Variants in ABHD3 observed in about 807,000 individuals in gnomAD.
ABHD3 encodes the protein abhydrolase domain containing 3, phospholipase.
A neutral mutation model predicts 48.8 loss-of-function variants in ABHD3; 46 were observed. The ratio of observed to expected loss-of-function variants is 0.94; its 90% CI spans 0.74 to 1.20. The LOEUF (loss-of-function observed/expected upper bound fraction) is 1.20, where lower values mean the gene tolerates loss of function less well. Ranked by LOEUF, ABHD3 falls within the 50% of genes most tolerant of loss-of-function variation. The pLI, the probability that ABHD3 is intolerant of heterozygous loss-of-function variation, is 0.00. For synonymous variants in ABHD3, 192 were observed against 183.7 expected, an observed-to-expected ratio of 1.04 and a Z score of -0.36; for missense variants, 490 against 497.8, an observed-to-expected ratio of 0.98 and a Z score of 0.15.
At chr18:21,693,610 C>T (rs548241174) in intron 3 of ABHD3, among the ~76,000 whole-genome samples, 16 of 152,238 alleles carry the variant, frequency 1.1e-4, no homozygotes, top group Non-Finnish European at 5.9e-5. Context: ...ACAATTAGTG[C>T]CCTAGAGAAT....
Position 21,656,843 on chromosome 18 carries a change from C to T in ABHD3, c.1057+18G>A, listed in dbSNP as rs1460864548. The T allele has an allele frequency of 2.6e-6, 4 of 1,561,738 alleles. No individual in the cohort carries two copies. Among genetic ancestry groups the T allele is most frequent in the Admixed American group, 1.9e-5 (1 of 52,612 alleles). On this transcript the variant is annotated intron_variant, in intron 8 of 8. Transcript: ENST00000289119. ...AAGTTGATTCATGTCAAAATATATA[C>T]AAATATGTTAATTTTACCATGACTG...
chr18:21,658,274 G>C (rs892560221), intron 6 of ABHD3, among the ~76,000 whole-genome samples: 3 of 152,044 alleles, frequency 2.0e-5, no homozygotes, highest in African/African-American at 7.2e-5. Context: ...TGCAAAGATA[G>C]TATTTTGGTA....
In ABHD3 at chr18:21,659,324, A is replaced by G. The variant is rs770007403; in HGVS notation, c.688T>C (p.Leu230=). 8 of 1,609,626 alleles carry G rather than the reference A, an allele frequency of 5.0e-6. No homozygotes were observed. The highest frequency in any genetic ancestry group is 6.8e-6 in the Non-Finnish European group (8 of 1,178,890). Reference sequence around the variant, plus strand: ...GGCGTTTTGGACCCAATTTTGCCCAAGTAATTTAGAAGCAGCATTCTAAAA... The same window carrying G: ...GGCGTTTTGGACCCAATTTTGCCCAGGTAATTTAGAAGCAGCATTCTAAAA... The part of the protein sequence containing the change: ...SMGGMLLLNY[L]GKIGSKTPLM... Residue 230 remains leucine (L), a synonymous_variant, in exon 6 of 9, where the codon TTG becomes CTG. Transcript: ENST00000289119.
intron 8 of ABHD3, among the ~76,000 whole-genome samples, chr18:21,655,339 G>A (rs1051598305): frequency 6.7e-6 from 1 of 149,234 alleles, no homozygotes; most frequent in Non-Finnish European, 1.5e-5. Context: ...CCAGGCTGGA[G>A]TGCAGTGGCA....
At chr18:21,703,872 CT>C in intron 1 of ABHD3, 125 bp from the exon 2 acceptor site, 1 of 1,045,034 alleles carries the variant, frequency 9.6e-7, no homozygotes, top group Non-Finnish European at 1.4e-6. Flanking sequence ...TTCTGGAGGG[CT>C]GACGCAAAAA....
At position 21,703,237 on chromosome 18, in the gene ABHD3, G is replaced by T. The variant is rs1403306314; in HGVS notation, c.326+347C>A. ...CACCCCACCCCCCCCCCCAGTATCT[G>T]CTACTTATCAATGAATGAATGCAGA... On this transcript the variant is annotated intron_variant, in intron 2 of 8. Transcript: ENST00000289119. Among the ~76,000 whole-genome samples, 4 of 74,218 alleles carry T rather than the reference G, an allele frequency of 5.4e-5. No individual in the cohort carries two copies. In the Admixed American group the frequency reaches 7.7e-4, roughly 14 times the overall value. 48.7% of individuals were successfully genotyped at this position (74,218 alleles called of 152,430 possible). A position where few individuals can be genotyped will look rare whatever the true frequency, so the allele number is the denominator to read the frequency against.
At chr18:21,702,663 A>G (rs2040539735) in intron 2 of ABHD3, among the ~76,000 whole-genome samples, 165 bp from the exon 3 acceptor site, 1 of 152,214 alleles carries the variant, frequency 6.6e-6, no homozygotes, top group South Asian at 2.1e-4. Context: ...CTTTCATTAG[A>G]AGGATTTTAT....
intron 3 of ABHD3, among the ~76,000 whole-genome samples, chr18:21,700,911 C>G (rs1427017368): frequency 7.2e-6 from 1 of 138,436 alleles, no homozygotes; most frequent in African/African-American, 2.8e-5. Flanking sequence ...CATGATCATG[C>G]CACTGCGCTC....
chr18:21,657,962 C>T (rs892415342), intron 6 of ABHD3, among the ~76,000 whole-genome samples: 1 of 151,986 alleles, frequency 6.6e-6, no homozygotes, highest in Non-Finnish European at 1.5e-5. Context: ...CTTTGGGAGG[C>T]TGAGGTGGAT....
intron 8 of ABHD3, among the ~76,000 whole-genome samples, chr18:21,652,394 A>G (rs550664873): frequency 1.3e-5 from 2 of 152,236 alleles, no homozygotes; most frequent in South Asian, 4.1e-4. Context: ...AGAAAAATAA[A>G]GAACGAAAGA....
In ABHD3 at chr18:21,704,743, A is replaced by AGAGCGGG; in HGVS notation, c.-79_-78insCCCGCTC. On this transcript the variant is annotated 5_prime_UTR_variant, in exon 1 of 9. Transcript: ENST00000289119. ...AGCGGGCGAGAGCGGGCGAGAGCGG[A>AGAGCGGG]CGCGGCGCCGCTGCCTACTCCCGAC... 1.5e-5 allele frequency: 14 copies of AGAGCGGG among 959,440 alleles called. No individual in the cohort carries two copies. The African/African-American group carries it at 3.9e-4, about 27-fold the overall frequency. The allele number at this position is 959,440 out of a possible 1,614,324, so 59.4% of individuals were successfully genotyped here.
chr18:21,693,464 TA>T (rs751628370), intron 3 of ABHD3, among the ~76,000 whole-genome samples: 1 of 152,220 alleles, frequency 6.6e-6, no homozygotes, highest in Non-Finnish European at 1.5e-5. Context: ...ACCTAAGCTG[TA>T]ACACTCAGGT....
At chr18:21,658,616 A>G (rs1205958857) in intron 6 of ABHD3, among the ~76,000 whole-genome samples, 1 of 152,214 alleles carries the variant, frequency 6.6e-6, no homozygotes, top group African/African-American at 2.4e-5. Context: ...AAGACAATCC[A>G]CTGGGGTTCA....
chr18:21,684,351 C>T, intron 3 of ABHD3, among the ~76,000 whole-genome samples: 2 of 117,724 alleles, frequency 1.7e-5, no homozygotes, highest in South Asian at 2.8e-4. Flanking sequence ...GAGTCTCGCT[C>T]TTGTCACCCA....
intron 5 of ABHD3, among the ~76,000 whole-genome samples, chr18:21,663,037 G>C (rs1298785246): frequency 1.3e-5 from 2 of 152,138 alleles, no homozygotes; most frequent in African/African-American, 4.8e-5. Flanking sequence ...CATTGATTGA[G>C]ATTTCTTCCT....
rs2040532660 is a variant in ABHD3, at chr18:21,702,415, C to T, written c.410G>A (p.Ser137Asn). ...CAACAATAAGATAGTAGGTCTGGTGCTGGCATCCATATAACACGTACTGTT... is the reference window on the plus strand; with the variant it reads ...CAACAATAAGATAGTAGGTCTGGTGTTGGCATCCATATAACACGTACTGTT... The part of the protein sequence containing the change: ...NDNSTCYMDA[S>N]TRPTILLLPG... Residue 137 changes from serine (S) to asparagine (N), a missense_variant, in exon 3 of 9, where the codon AGC (serine) becomes AAC (asparagine). Ser to Asn is a conservative substitution (Grantham distance 46, BLOSUM62 1). Transcript: ENST00000289119. The T allele has an allele frequency of 1.2e-6, 2 of 1,614,036 alleles. No individual in the cohort carries two copies. The highest frequency in any genetic ancestry group is 1.7e-6 in the Non-Finnish European group (2 of 1,179,960).
intron 8 of ABHD3, among the ~76,000 whole-genome samples, chr18:21,656,284 C>T (rs2039347577): frequency 1.3e-5 from 2 of 152,058 alleles, no homozygotes; most frequent in African/African-American, 4.8e-5. Flanking sequence ...AAGTGATTCT[C>T]CCACCTCAGC....
chr18:21,651,849 A>T, intron 8 of ABHD3, 86 bp from the exon 9 acceptor site: 1 of 1,213,970 alleles, frequency 8.2e-7, no homozygotes, highest in Non-Finnish European at 1.1e-6. Flanking sequence ...AAAAGCATAT[A>T]CCTTTATCAT....
chr18:21,674,159 T>C (rs1017539157), intron 4 of ABHD3, among the ~76,000 whole-genome samples: 2 of 152,134 alleles, frequency 1.3e-5, no homozygotes, highest in African/African-American at 4.8e-5. Flanking sequence ...ACCTGACACA[T>C]ATTAAGCATG....
Sources: gnomAD v4.1 joint callset for allele counts (sites outside exome capture counted in the v4.1 genomes callset) on GRCh38, gnomAD v4.1.1 for gene constraint, MANE v1.5 for transcripts, NCBI Gene and HGNC (gene_info 2026-07-23, HGNC 2026-07-21) for gene names.